NIPAL2: variants seen among roughly 807,000 people sequenced by gnomAD.
NIPAL2 encodes the protein NIPA like domain containing 2, also known as NIPA-like protein 2.
A neutral mutation model predicts 48.9 loss-of-function variants in NIPAL2; 43 were observed. That is an observed-to-expected ratio of 0.88 (90% CI 0.69 to 1.13). The LOEUF is 1.13. Among genes scored for constraint, NIPAL2 ranks in the 50% most tolerant of loss-of-function variants. The probability of loss-of-function intolerance (pLI) is 0.00; values close to 1 mark genes in which losing one functional copy is unlikely to be tolerated. For missense variants in NIPAL2, 446 were observed against 461.4 expected (o/e 0.97, Z 0.31); for synonymous variants, 167 against 174.6 (o/e 0.96, Z 0.34).
chr8:98,250,848 A>G (rs1813549820), intron 3 of NIPAL2, among the ~76,000 whole-genome samples: 1 of 152,122 alleles, frequency 6.6e-6, no homozygotes, highest in Non-Finnish European at 1.5e-5. Flanking sequence ...AAGTCTTGCC[A>G]AGGTGGGCAG....
intron 1 of NIPAL2, among the ~76,000 whole-genome samples, chr8:98,285,729 CTTTCTT>C (rs1209312847): frequency 2.6e-5 from 4 of 151,922 alleles, no homozygotes; most frequent in Admixed American, 2.6e-4. Context: ...TAGTTTCTTT[CTTTCTT>C]TTTTTTTTGT....
At chr8:98,221,439 AAG>A (rs1162169967) in intron 5 of NIPAL2, among the ~76,000 whole-genome samples, 3 of 152,110 alleles carry the variant, frequency 2.0e-5, no homozygotes, top group Non-Finnish European at 2.9e-5. Context: ...AATATAATAA[AAG>A]AGAAAAATAT....
At chr8:98,245,739 A>T (rs1320261010) in intron 3 of NIPAL2, among the ~76,000 whole-genome samples, 1 of 152,244 alleles carries the variant, frequency 6.6e-6, no homozygotes, top group Non-Finnish European at 1.5e-5. Context: ...ATGCTGAAAA[A>T]ATAAGGATGA....
At chr8:98,264,524 T>C (rs1222428157) in intron 1 of NIPAL2, among the ~76,000 whole-genome samples, 1 of 150,880 alleles carries the variant, frequency 6.6e-6, no homozygotes, top group African/African-American at 2.4e-5. Flanking sequence ...TGAACTCCCA[T>C]TCACAATTGC....
intron 3 of NIPAL2, among the ~76,000 whole-genome samples, chr8:98,251,213 T>G (rs1813568760): frequency 6.6e-6 from 1 of 151,908 alleles, no homozygotes; most frequent in African/African-American, 2.4e-5. Flanking sequence ...GGAAAAAAAC[T>G]AAAGATCAGC....
chr8:98,288,104 T>C (rs1328091674), intron 1 of NIPAL2, among the ~76,000 whole-genome samples: 1 of 152,068 alleles, frequency 6.6e-6, no homozygotes, highest in Non-Finnish European at 1.5e-5. Context: ...GTTAGTTACA[T>C]ATGTATACAT....
At chr8:98,244,523 AGGGGGG>A (rs1813187112) in intron 3 of NIPAL2, among the ~76,000 whole-genome samples, 1 of 53,630 alleles carries the variant, frequency 1.9e-5, no homozygotes, top group East Asian at 6.9e-4. Flanking sequence ...GGCTGTGATA[AGGGGGG>A]TGGGCTGTGA....
intron 3 of NIPAL2, among the ~76,000 whole-genome samples, chr8:98,250,030 A>G (rs950356229): frequency 6.6e-6 from 1 of 152,028 alleles, no homozygotes; most frequent in Non-Finnish European, 1.5e-5. Context: ...AGGGAGGAAG[A>G]TGAAAGACTT....
At chr8:98,218,726 T>A (rs545796876) in intron 5 of NIPAL2, among the ~76,000 whole-genome samples, 1 of 152,166 alleles carries the variant, frequency 6.6e-6, no homozygotes, top group African/African-American at 2.4e-5. Flanking sequence ...GGTAAATAGA[T>A]AAAGAGGTCC....
At chr8:98,244,668 T>C (rs1180079286) in intron 3 of NIPAL2, among the ~76,000 whole-genome samples, 1 of 151,784 alleles carries the variant, frequency 6.6e-6, no homozygotes. Context: ...GGGGCCGTGG[T>C]GAACTATTCA....
chr8:98,224,606 T>A (rs570784106), intron 4 of NIPAL2, among the ~76,000 whole-genome samples: 1 of 152,256 alleles, frequency 6.6e-6, no homozygotes, highest in Admixed American at 6.5e-5. Context: ...TCAATGTATA[T>A]CTTCGTTGCG....
At chr8:98,198,843 C>T (rs1376807202) in intron 8 of NIPAL2, among the ~76,000 whole-genome samples, 6 of 152,338 alleles carry the variant, frequency 3.9e-5, no homozygotes, top group Non-Finnish European at 7.3e-5. Context: ...GTCCAGACCA[C>T]TCAAACTTCC....
At chr8:98,251,371 A>C (rs1008231995) in intron 3 of NIPAL2, among the ~76,000 whole-genome samples, 1 of 152,186 alleles carries the variant, frequency 6.6e-6, no homozygotes, top group Admixed American at 6.5e-5. Context: ...GTCTATGTAC[A>C]TGTTAGTGGT....
chr8:98,211,087 T>C (rs1811286953), intron 6 of NIPAL2, among the ~76,000 whole-genome samples: 1 of 152,168 alleles, frequency 6.6e-6, no homozygotes, highest in African/African-American at 2.4e-5. Context: ...GAATAATCCT[T>C]ACAGCTGTAC....
intron 3 of NIPAL2, among the ~76,000 whole-genome samples, chr8:98,246,084 G>T (rs532974832): frequency 6.6e-6 from 1 of 152,252 alleles, no homozygotes; most frequent in Admixed American, 6.5e-5. Context: ...TTTGTGTAAC[G>T]CTATGGGTCA....
chr8:98,257,185 C>T (rs905034233), intron 1 of NIPAL2, among the ~76,000 whole-genome samples: 1 of 152,042 alleles, frequency 6.6e-6, no homozygotes, highest in Non-Finnish European at 1.5e-5. Context: ...CACAGCTGAC[C>T]AGCATTAACA....
At chr8:98,202,915 T>TGAC (rs1264143076) in intron 8 of NIPAL2, among the ~76,000 whole-genome samples, 193 bp downstream of exon 8, 1 of 152,200 alleles carries the variant, frequency 6.6e-6, no homozygotes, top group Non-Finnish European at 1.5e-5. Flanking sequence ...AGGACTGAGC[T>TGAC]GACCCAGGAG....
At chr8:98,195,811 T>G in intron 9 of NIPAL2, 131 bp downstream of exon 9, 1 of 617,414 alleles carries the variant, frequency 1.6e-6, no homozygotes. Flanking sequence ...AAAATATGTT[T>G]CTTTTAGGAG....
At chr8:98,242,063 T>C (rs1813008403) in intron 3 of NIPAL2, among the ~76,000 whole-genome samples, 1 of 152,212 alleles carries the variant, frequency 6.6e-6, no homozygotes, top group Non-Finnish European at 1.5e-5. Context: ...CCATTGATAA[T>C]ATACCAATTT....
Sources: gnomAD v4.1 joint callset for allele counts (sites outside exome capture counted in the v4.1 genomes callset) on GRCh38, gnomAD v4.1.1 for gene constraint, MANE v1.5 for transcripts, NCBI Gene and HGNC (gene_info 2026-07-23, HGNC 2026-07-21) for gene names.